The following OTOP2 variants were observed in gnomAD, a reference collection of about 807,000 sequenced individuals.
OTOP2 encodes the protein otopetrin 2.
In OTOP2, 41 loss-of-function variants were observed where a neutral mutation model predicts 47.4. The observed-to-expected ratio is 0.87, with a 90% CI of 0.67 to 1.12. OTOP2 has a LOEUF of 1.12. OTOP2 is among the 50% of genes most tolerant of loss of function. The pLI, the probability that OTOP2 is intolerant of heterozygous loss-of-function variation, is 0.00. For missense variants in OTOP2, 721 were observed against 752.2 expected (o/e 0.96, Z 0.49); for synonymous variants, 328 against 319.6 (o/e 1.03, Z -0.28).
chr17:74,925,422 A>T (rs1435688070), intron 2 of OTOP2, 134 bp from the exon 3 acceptor site: 1 of 1,147,566 alleles, frequency 8.7e-7, no homozygotes, highest in East Asian at 2.4e-5. Flanking sequence ...CCATTGATCC[A>T]TCCAACAGTG....
chr17:74,925,816 G>C (rs964579598), intron 3 of OTOP2, 124 bp downstream of exon 3: 1 of 1,399,044 alleles, frequency 7.1e-7, no homozygotes, highest in Admixed American at 2.0e-5. Context: ...AAGTAAACCA[G>C]GGACAGGGCT....
At chr17:74,927,896 T>C (rs572350369) in intron 5 of OTOP2, 98 bp downstream of exon 5, 17 of 1,426,812 alleles carry the variant, frequency 1.2e-5, no homozygotes, top group Admixed American at 2.2e-5. Context: ...CATGAGGGCA[T>C]AGAGGCAAAG....
In OTOP2 at chr17:74,924,866, C is replaced by T. The variant is rs746055801; in HGVS notation, c.234C>T (p.Leu78=). 6.2e-7 allele frequency: 1 copy of T among 1,605,244 alleles called. No homozygotes were observed. The highest frequency in any genetic ancestry group is 8.5e-7 in the Non-Finnish European group (1 of 1,176,450). The part of the protein sequence containing the change: ...AMMLLATLWI[L]FYLLRTVRCP... ...TGCTGCTGGCAACGCTCTGGATCCT[C>T]TTCTACCTCCTCCGAACCGTGCGCT... is the stretch of plus-strand genomic sequence containing the variant. Residue 78 remains leucine (L), a synonymous_variant, in exon 2 of 7, where the codon CTC becomes CTT. Coordinates refer to ENST00000331427, the MANE Select transcript of OTOP2 (RefSeq NM_178160.3). The surrounding 1 kb of genome is among the most constrained non-coding windows in gnomAD (Gnocchi z 7.7).
At chr17:74,929,184 A>T (rs1407859749) in intron 5 of OTOP2, among the ~76,000 whole-genome samples, 3 of 152,128 alleles carry the variant, frequency 2.0e-5, no homozygotes, top group African/African-American at 7.2e-5. Flanking sequence ...GAATCAAGTC[A>T]AGACTCCTTT....
intron 5 of OTOP2, chr17:74,928,079 A>G (rs2144765963): frequency 2.4e-6 from 1 of 409,408 alleles, no homozygotes; most frequent in East Asian, 4.5e-5. Flanking sequence ...GCAGTGGCTC[A>G]TGCTTGTAAT....
chr17:74,928,012 C>T (rs2039025310), intron 5 of OTOP2: 3 of 607,226 alleles, frequency 4.9e-6, no homozygotes, highest in Non-Finnish European at 8.2e-6. Context: ...CTTGAGGCTG[C>T]AGCCCAGGCC....
rs760641643 is a variant in OTOP2, at chr17:74,931,123, TTC to T, written c.1492_1493del (p.Leu498ValfsTer165). 8.7e-6 allele frequency: 14 copies of T among 1,606,364 alleles called. No homozygotes were observed. The highest frequency in any genetic ancestry group is 2.7e-5 in the African/African-American group (2 of 74,724). On this transcript the variant is annotated frameshift_variant, in exon 6 of 7. Transcript: ENST00000331427. LOFTEE classifies it high-confidence loss of function. ...QWRRQCLKDI[S>X]LFLLLCNVIL... is the part of the protein sequence containing the mutation. ...GGAGACGCCAGTGCCTAAAAGACAT[TTC>T]TCTGTTTCTCCTACTCTGCAATGTC...
In OTOP2 at chr17:74,930,730, C is replaced by T. The variant is rs775194126; in HGVS notation, c.1095C>T (p.Arg365=). ...TGGACCACCATAAGAACCCCACGCGCACTCTGGACGTGGCCCTGCTGATGG... is the reference window on the plus strand; with the variant it reads ...TGGACCACCATAAGAACCCCACGCGTACTCTGGACGTGGCCCTGCTGATGG... ...RAMDHHKNPT[R]TLDVALLMGA... The change falls in exon 6 of 7, where the codon CGC becomes CGT. Residue 365 remains arginine, a synonymous_variant. Transcript: ENST00000331427. This position sits in a 1 kb window ranked among gnomAD's most constrained non-coding sequence, Gnocchi z 4.0. 1 of 1,614,120 alleles carries T rather than the reference C, an allele frequency of 6.2e-7. No individual in the cohort carries two copies. The highest frequency in any genetic ancestry group is 1.1e-5 in the South Asian group (1 of 91,090).
At position 74,924,704 on chromosome 17, in the gene OTOP2, G is replaced by A; in HGVS notation, c.72G>A (p.Trp24Ter). The A allele has an allele frequency of 6.2e-7, 1 of 1,604,606 alleles. No homozygotes were observed. The highest frequency in any genetic ancestry group is 8.5e-7 in the Non-Finnish European group (1 of 1,176,728). Reference sequence around the variant, plus strand: ...CGCGTGCGGGCCCCAGGGAGGTGTGGAAGAAGGGTGGCCGCCTGCTGTCGG... The same window carrying A: ...CGCGTGCGGGCCCCAGGGAGGTGTGAAAGAAGGGTGGCCGCCTGCTGTCGG... Reference protein sequence around the residue: ...PAPRAGPREVWKKGGRLLSVL... With the variant: ...PAPRAGPREV The change falls in exon 2 of 7, where the codon TGG (tryptophan) becomes TGA (stop). Residue 24 changes from tryptophan to a stop codon, truncating the protein, a stop_gained. Coordinates refer to ENST00000331427, the MANE Select transcript of OTOP2 (RefSeq NM_178160.3). LOFTEE classifies it high-confidence loss of function. This position sits in a 1 kb window ranked among gnomAD's most constrained non-coding sequence, Gnocchi z 7.7.
At chr17:74,927,409 C>T in intron 4 of OTOP2, 128 bp downstream of exon 4, 1 of 1,202,314 alleles carries the variant, frequency 8.3e-7, no homozygotes, top group South Asian at 1.3e-5. Flanking sequence ...CCAAGCCCTC[C>T]TTGCTTTGTC....
At chr17:74,927,836 G>A in intron 5 of OTOP2, 38 bp downstream of exon 5, 1 of 1,606,198 alleles carries the variant, frequency 6.2e-7, no homozygotes, top group Non-Finnish European at 8.5e-7. Flanking sequence ...TGGCTACCAG[G>A]CCTTGGGCCG....
rs1241056603 is a variant in OTOP2, at chr17:74,924,913, G to A, written c.281G>A (p.Arg94Gln). Reference protein sequence around the residue: ...TVRCPCAVPYRDAHAGPIWLR... With the variant: ...TVRCPCAVPYQDAHAGPIWLR... Reference sequence around the variant, plus strand: ...CGCTGCCCCTGCGCGGTACCCTACCGGGACGCGCACGCTGGCCCCATCTGG... The same window carrying A: ...CGCTGCCCCTGCGCGGTACCCTACCAGGACGCGCACGCTGGCCCCATCTGG... The change falls in exon 2 of 7, where the codon CGG (arginine) becomes CAG (glutamine). Residue 94 changes from arginine (R) to glutamine (Q), a missense_variant. Physicochemically the swap from Arg to Gln is conservative, Grantham distance 43 (BLOSUM62 1). Coordinates refer to ENST00000331427, the MANE Select transcript of OTOP2 (RefSeq NM_178160.3). This position sits in a 1 kb window ranked among gnomAD's most constrained non-coding sequence, Gnocchi z 7.7. The A allele has an allele frequency of 1.3e-5, 20 of 1,583,648 alleles. No homozygotes were observed. The highest frequency in any genetic ancestry group is 1.7e-5 in the Non-Finnish European group (20 of 1,165,162).
In OTOP2 at chr17:74,924,911, C is replaced by G. The variant is rs758238290; in HGVS notation, c.279C>G (p.Tyr93Ter). 3 of 1,585,048 alleles carry G rather than the reference C, an allele frequency of 1.9e-6. No individual in the cohort carries two copies. The highest frequency in any genetic ancestry group is 2.6e-6 in the Non-Finnish European group (3 of 1,165,984). ...TGCGCTGCCCCTGCGCGGTACCCTA[C>G]CGGGACGCGCACGCTGGCCCCATCT... ...RTVRCPCAVP[Y>*]RDAHAGPIWL... The change falls in exon 2 of 7, where the codon TAC becomes TAG. Residue 93 changes from tyrosine to a stop codon, truncating the protein, a stop_gained. Coordinates refer to ENST00000331427, the MANE Select transcript of OTOP2 (RefSeq NM_178160.3). LOFTEE classifies it high-confidence loss of function. The surrounding 1 kb of genome is among the most constrained non-coding windows in gnomAD (Gnocchi z 7.7).
intron 5 of OTOP2, among the ~76,000 whole-genome samples, chr17:74,929,034 C>T (rs2039033190): frequency 6.6e-6 from 1 of 152,192 alleles, no homozygotes; most frequent in African/African-American, 2.4e-5. Context: ...AGAAGTCAGG[C>T]AGTTGGCGTT....
In OTOP2 at chr17:74,930,911, C is replaced by T. The variant is rs2039051574; in HGVS notation, c.1276C>T (p.His426Tyr). Residue 426 changes from histidine to tyrosine, a missense_variant, in exon 6 of 7, where the codon CAC becomes TAC. By Grantham distance (83) the His-to-Tyr change is moderately conservative. Coordinates refer to ENST00000331427, the MANE Select transcript of OTOP2 (RefSeq NM_178160.3). The surrounding 1 kb of genome is among the most constrained non-coding windows in gnomAD (Gnocchi z 4.0). ...GAACATGTTTATCATCGAGAGCCTT[C>T]ACCGAGGACCGCCCGGGGCTGAGCC... Reference protein sequence around the residue: ...FQNMFIIESLHRGPPGAEPHS... With the variant: ...FQNMFIIESLYRGPPGAEPHS... 7 of 1,613,986 alleles carry T rather than the reference C, an allele frequency of 4.3e-6. No homozygotes were observed. The East Asian group carries it at 1.3e-4, about 31-fold the overall frequency.
intron 5 of OTOP2, among the ~76,000 whole-genome samples, chr17:74,928,472 G>A (rs570885405): frequency 2.0e-5 from 3 of 152,186 alleles, no homozygotes; most frequent in Admixed American, 6.5e-5. Flanking sequence ...GGGAGAGCCC[G>A]GGAAGGAGGA....
At position 74,924,522 on chromosome 17, in the gene OTOP2, T is replaced by A. The variant is rs1397844861; in HGVS notation, c.-33-78T>A. Reference sequence around the variant, plus strand: ...ACCCTGCGGGTCAGGAACTCCCTAGTCCCCAAGTCTAGGGATGAGATGGGG... The same window carrying A: ...ACCCTGCGGGTCAGGAACTCCCTAGACCCCAAGTCTAGGGATGAGATGGGG... On this transcript the variant is annotated intron_variant, in intron 1 of 6. Transcript: ENST00000331427. The surrounding 1 kb of genome is among the most constrained non-coding windows in gnomAD (Gnocchi z 7.7). 1 of 1,286,918 alleles carries A rather than the reference T, an allele frequency of 7.8e-7. No individual in the cohort carries two copies. The highest frequency in any genetic ancestry group is 2.6e-5 in the East Asian group (1 of 38,632). 79.7% of individuals were successfully genotyped at this position (1,286,918 alleles called of 1,614,324 possible).
At position 74,924,892 on chromosome 17, in the gene OTOP2, G is replaced by T. The variant is rs764744021; in HGVS notation, c.260G>T (p.Cys87Phe). The change falls in exon 2 of 7, where the codon TGC (cysteine) becomes TTC (phenylalanine). Residue 87 changes from cysteine to phenylalanine, a missense_variant. Cys to Phe is a radical substitution (Grantham distance 205). Transcript: ENST00000331427. The surrounding 1 kb of genome is among the most constrained non-coding windows in gnomAD (Gnocchi z 7.7). ...ILFYLLRTVR[C>F]PCAVPYRDAH... is the part of the protein sequence containing the mutation. The stretch of plus-strand genomic sequence containing the variant: ...TTCTACCTCCTCCGAACCGTGCGCT[G>T]CCCCTGCGCGGTACCCTACCGGGAC... 7.5e-6 allele frequency: 12 copies of T among 1,595,906 alleles called. No homozygotes were observed. Among genetic ancestry groups the T allele is most frequent in the Non-Finnish European group, 1.0e-5 (12 of 1,172,222 alleles).
rs777873109 is a variant in OTOP2, at chr17:74,924,806, C to T, written c.174C>T (p.Tyr58=). 11 of 1,611,554 alleles carry T rather than the reference C, an allele frequency of 6.8e-6. No homozygotes were observed. Among genetic ancestry groups the T allele is most frequent in the East Asian group, 2.2e-5 (1 of 44,772 alleles). ...SGGAFNKVAV[Y]DTDVFALLTA... ...GAGCCTTCAACAAGGTGGCCGTGTA[C>T]GACACCGACGTGTTCGCGCTGCTCA... Residue 58 remains tyrosine, a synonymous_variant, in exon 2 of 7, where the codon TAC becomes TAT. Coordinates refer to ENST00000331427, the MANE Select transcript of OTOP2 (RefSeq NM_178160.3). This position sits in a 1 kb window ranked among gnomAD's most constrained non-coding sequence, Gnocchi z 7.7.
Sources: allele counts gnomAD v4.1 joint callset (sites outside exome capture counted in the v4.1 genomes callset), GRCh38; gene constraint gnomAD v4.1.1; non-coding constraint Gnocchi (gnomAD v3.1); transcripts MANE v1.5; gene names NCBI Gene and HGNC (gene_info 2026-07-23, HGNC 2026-07-21).